MYPN: variants seen among roughly 807,000 people sequenced by gnomAD.
The protein encoded by MYPN is myopalladin, also known as sarcomeric protein myopalladin, 145 kDa (MYOP).
A neutral mutation model predicts 129.4 loss-of-function variants in MYPN; 63 were observed. The ratio of observed to expected loss-of-function variants is 0.49; its 90% confidence interval spans 0.40 to 0.60. MYPN has a LOEUF of 0.60. Among genes scored for constraint, MYPN ranks in the 20% least tolerant of loss-of-function variants. MYPN has a pLI of 0.00. For missense variants in MYPN, 1,596 were observed against 1,635.4 expected (o/e 0.98, Z 0.42); for synonymous variants, 629 against 600.9 (o/e 1.05, Z -0.68).
At chr10:68,175,861 C>T (rs531183871) in intron 12 of MYPN, among the ~76,000 whole-genome samples, 1 of 152,214 alleles carries the variant, frequency 6.6e-6, no homozygotes, top group South Asian at 2.1e-4. Context: ...CTCAAGTGTT[C>T]CTCTTGCCTT....
At chr10:68,152,398 G>A (rs1201386248) in intron 6 of MYPN, among the ~76,000 whole-genome samples, 4 of 152,012 alleles carry the variant, frequency 2.6e-5, no homozygotes, top group Non-Finnish European at 4.4e-5. Context: ...TAGGGGGCAG[G>A]CAGGGGAGGG....
At chr10:68,184,800 T>C (rs1451726837) in intron 12 of MYPN, among the ~76,000 whole-genome samples, 2 of 152,150 alleles carry the variant, frequency 1.3e-5, no homozygotes, top group African/African-American at 4.8e-5. Context: ...TTTCGGTGCC[T>C]GTGCCCTGTC....
chr10:68,165,648 A>G (rs549539320), intron 8 of MYPN, 54 bp from the exon 9 acceptor site: 3 of 1,301,480 alleles, frequency 2.3e-6, no homozygotes, highest in African/African-American at 2.9e-5. Flanking sequence ...AGTAAATTCT[A>G]TAATTCTGTT....
At chr10:68,139,058 G>A (rs1012211285) in intron 2 of MYPN, among the ~76,000 whole-genome samples, 4 of 152,062 alleles carry the variant, frequency 2.6e-5, no homozygotes, top group African/African-American at 9.7e-5. Flanking sequence ...TTTCCCTAGA[G>A]AAATCCCTTT....
At chr10:68,187,169 C>G (rs1049644882) in intron 12 of MYPN, among the ~76,000 whole-genome samples, 13 of 151,892 alleles carry the variant, frequency 8.6e-5, no homozygotes, top group African/African-American at 3.1e-4. Context: ...GTCAGGAGTT[C>G]GAGATCAGCC....
upstream of MYPN, chr10:68,106,241 TTAAAA>T (rs1231790292): frequency 2.3e-6 from 1 of 437,436 alleles, no homozygotes; most frequent in Non-Finnish European, 4.5e-6. Context: ...TGTTTAGTTT[TTAAAA>T]ATGTTTTTAG....
intron 15 of MYPN, among the ~76,000 whole-genome samples, chr10:68,195,746 G>A (rs1199192610): frequency 6.6e-6 from 1 of 152,106 alleles, no homozygotes; most frequent in African/African-American, 2.4e-5. Context: ...ATTCCCAGGT[G>A]ATCCACAAGC....
chr10:68,102,150 G>A (rs1189171337), upstream of MYPN, among the ~76,000 whole-genome samples: 1 of 127,024 alleles, frequency 7.9e-6, no homozygotes, highest in Non-Finnish European at 1.6e-5. Flanking sequence ...TTTTGAGATA[G>A]GGTCTCATTT....
chr10:68,116,562 C>A (rs1363738846), intron 1 of MYPN, among the ~76,000 whole-genome samples: 1 of 152,102 alleles, frequency 6.6e-6, no homozygotes, highest in Non-Finnish European at 1.5e-5. Context: ...ATGGTGAAAA[C>A]CCATCTCTAC....
chr10:68,116,790 T>C (rs1226975478), intron 1 of MYPN, among the ~76,000 whole-genome samples: 2 of 152,166 alleles, frequency 1.3e-5, no homozygotes, highest in Admixed American at 1.3e-4. Context: ...ATTTCAGTTA[T>C]TTTATCCATC....
At chr10:68,125,305 A>G (rs1564649549) in intron 2 of MYPN, among the ~76,000 whole-genome samples, 1 of 152,222 alleles carries the variant, frequency 6.6e-6, no homozygotes, top group African/African-American at 2.4e-5. Flanking sequence ...GAATTTCTTT[A>G]CTGACAGCAA....
chr10:68,167,136 C>A (rs2043068027), intron 10 of MYPN, among the ~76,000 whole-genome samples: 1 of 152,174 alleles, frequency 6.6e-6, no homozygotes, highest in Non-Finnish European at 1.5e-5. Flanking sequence ...TAGAAGCATG[C>A]TATCACTATT....
At chr10:68,166,752 G>A (rs1022375080) in intron 10 of MYPN, 86 bp downstream of exon 10, 6 of 1,546,382 alleles carry the variant, frequency 3.9e-6, no homozygotes, top group Non-Finnish European at 8.8e-7. Context: ...AACTCAGCTA[G>A]GCACAGTTGC....
Position 68,195,348 on chromosome 10 carries a change from A to C in MYPN, c.3076-102A>C, listed in dbSNP as rs12268815. 4,831 of 1,028,096 alleles carry C rather than the reference A, an allele frequency of 4.7e-3. 73 individuals are homozygous for C. Among genetic ancestry groups the C allele is most frequent in the African/African-American group, 0.042 (2,648 of 63,722 alleles). The allele number at this position is 1,028,096 out of a possible 1,614,324, so 63.7% of individuals were successfully genotyped here. On this transcript the variant is annotated intron_variant, in intron 14 of 19. Transcript: ENST00000358913. ...TTCTCTCCCCCAAAGAAAAACTCAT[A>C]ATAGCCAAAATTTCACGGTGTTCTG...
upstream of MYPN, among the ~76,000 whole-genome samples, chr10:68,105,157 A>T (rs775587057): frequency 2.0e-5 from 3 of 152,184 alleles, no homozygotes; most frequent in Non-Finnish European, 4.4e-5. Context: ...GAATATTTGC[A>T]GTGGTTATGA....
At chr10:68,196,660 T>C (rs1485010821) in intron 15 of MYPN, among the ~76,000 whole-genome samples, 1 of 151,886 alleles carries the variant, frequency 6.6e-6, no homozygotes, top group Non-Finnish European at 1.5e-5. Flanking sequence ...ATTTTTGTAT[T>C]TTTTTGTAAA....
intron 8 of MYPN, 104 bp downstream of exon 8, chr10:68,161,856 G>C: frequency 1.0e-6 from 1 of 990,422 alleles, no homozygotes; most frequent in Non-Finnish European, 1.5e-6. Context: ...GAAAAATAAA[G>C]TTTTAGGAAA....
intron 16 of MYPN, 58 bp from the exon 17 acceptor site, chr10:68,199,310 C>A: frequency 6.6e-7 from 1 of 1,524,670 alleles, no homozygotes. Flanking sequence ...AGAATTCAGC[C>A]ATCAAATAAA....
rs1185598302 is a variant in MYPN, at chr10:68,210,728, G to GA, written c.*279dup. Reference sequence around the variant, plus strand: ...ACACAGTTGCCATCCACTGCTTTGGGAAAAAACTAGCATGCTCCCCTGCTC... The same window carrying GA: ...ACACAGTTGCCATCCACTGCTTTGGGAAAAAAACTAGCATGCTCCCCTGCTC... On this transcript the variant is annotated 3_prime_UTR_variant, in exon 20 of 20. Transcript: ENST00000358913. 1.8e-6 allele frequency: 1 copy of GA among 550,318 alleles called. No individual in the cohort carries two copies. The highest frequency in any genetic ancestry group is 4.4e-5 in the East Asian group (1 of 22,714). The allele number at this position is 550,318 out of a possible 1,614,324, so 34.1% of individuals were successfully genotyped here.
Sources: allele counts gnomAD v4.1 joint callset (sites outside exome capture counted in the v4.1 genomes callset), GRCh38; gene constraint gnomAD v4.1.1; transcripts MANE v1.5; gene names NCBI Gene and HGNC (gene_info 2026-07-23, HGNC 2026-07-21).